Variants in DCP2 observed in about 807,000 individuals in gnomAD.
The protein encoded by DCP2 is decapping mRNA 2, also known as m7GpppN-mRNA hydrolase.
A neutral mutation model predicts 56.1 loss-of-function variants in DCP2; 30 were observed. The ratio of observed to expected loss-of-function variants is 0.53; its 90% confidence interval spans 0.40 to 0.73. DCP2 has a LOEUF of 0.73. Ranked by LOEUF, DCP2 falls within the 30% of genes least tolerant of loss-of-function variation. The pLI is 0.00. For synonymous variants in DCP2, 197 were observed against 163.3 expected, an observed-to-expected ratio of 1.21 and a Z score of -1.57; for missense variants, 533 against 502.7, an observed-to-expected ratio of 1.06 and a Z score of -0.58.
intron 4 of DCP2, among the ~76,000 whole-genome samples, chr5:112,993,969 T>C (rs901785638): frequency 6.6e-6 from 1 of 151,818 alleles, no homozygotes. Context: ...TTTATTTATT[T>C]ATTTATTTAC....
intron 1 of DCP2, 51 bp downstream of exon 1, chr5:112,977,037 G>A (rs1580783685): frequency 6.9e-7 from 1 of 1,442,820 alleles, no homozygotes; most frequent in East Asian, 2.6e-5. Context: ...TCTCAGTTTC[G>A]CGGACCCCCA....
At chr5:112,983,691 G>C (rs1189366897) in intron 1 of DCP2, among the ~76,000 whole-genome samples, 2 of 151,924 alleles carry the variant, frequency 1.3e-5, no homozygotes, top group African/African-American at 2.4e-5. Context: ...GAAGCATCCA[G>C]ACTGGGGAAA....
intron 2 of DCP2, among the ~76,000 whole-genome samples, chr5:112,988,499 A>AAG: frequency 6.7e-6 from 1 of 149,530 alleles, no homozygotes; most frequent in Non-Finnish European, 1.5e-5. Flanking sequence ...CTTAATAAAA[A>AAG]AAAAAAAAAA....
intron 10 of DCP2, among the ~76,000 whole-genome samples, chr5:113,012,384 G>C (rs549673036): frequency 1.3e-5 from 2 of 152,086 alleles, no homozygotes; most frequent in South Asian, 2.1e-4. Context: ...CTATAACTTG[G>C]TATATCGATC....
Position 113,016,840 on chromosome 5 carries a change from CTTTTTTTTT to C in DCP2, c.*3366_*3374del, listed in dbSNP as rs373599829. 1.6e-5 allele frequency: 2 copies of C among 122,392 alleles called. No individual in the cohort carries two copies. Among genetic ancestry groups the C allele is most frequent in the Non-Finnish European group, 3.3e-5 (2 of 60,894 alleles). The allele number at this position is 122,392 out of a possible 1,614,324, so 7.6% of individuals were successfully genotyped here. A position where few individuals can be genotyped will look rare whatever the true frequency, so the allele number is the denominator to read the frequency against. ...TTTTCTTACCACAATACCCTCTTGG[CTTTTTTTTT>C]TTTTTTTTTGAGATGGAGTTTCACT... On this transcript the variant is annotated 3_prime_UTR_variant, in exon 11 of 11. Transcript: ENST00000389063.
At chr5:112,992,003 A>C in intron 2 of DCP2, 118 bp from the exon 3 acceptor site, 1 of 1,432,442 alleles carries the variant, frequency 7.0e-7, no homozygotes, top group Non-Finnish European at 9.5e-7. Context: ...CACTTAAATG[A>C]GGGAAGATTT....
At chr5:113,005,151 G>GGTGTGTGTGTGTGT (rs56389236) in intron 8 of DCP2, among the ~76,000 whole-genome samples, 12,168 of 149,410 alleles carry the variant, frequency 0.081, 620 homozygotes, top group African/African-American at 0.14. Flanking sequence ...TGTGCGTGTG[G>GGTGTGTGTGTGTGT]GTGTGTGTGT....
intron 7 of DCP2, 23 bp from the exon 8 acceptor site, chr5:113,003,919 T>C: frequency 6.2e-7 from 1 of 1,613,490 alleles, no homozygotes; most frequent in Non-Finnish European, 8.5e-7. Context: ...TCTGATTTGA[T>C]TATTTTTTAA....
At chr5:112,988,251 G>A (rs1050085026) in intron 2 of DCP2, among the ~76,000 whole-genome samples, 3 of 151,626 alleles carry the variant, frequency 2.0e-5, no homozygotes, top group African/African-American at 7.3e-5. Context: ...GGGAGGCCAA[G>A]GGGGGCGGAT....
chr5:113,013,537 G>T lies in DCP2; in HGVS notation c.*53G>T. 6.3e-7 allele frequency: 1 copy of T among 1,597,166 alleles called. No individual in the cohort carries two copies. On this transcript the variant is annotated 3_prime_UTR_variant, in exon 11 of 11. Transcript: ENST00000389063. ...AGGATCAGAGACCTGTTGAATTTGA[G>T]TGGGTGTCTCCTCAAGCCTTACCTT... is the stretch of plus-strand genomic sequence containing the variant.
intron 4 of DCP2, among the ~76,000 whole-genome samples, chr5:112,993,858 A>ATG (rs903690040): frequency 6.6e-6 from 1 of 151,998 alleles, no homozygotes; most frequent in African/African-American, 2.4e-5. Flanking sequence ...ATGTGTATCT[A>ATG]TGTGTGTGTG....
chr5:113,021,745 ATCTTTC>A lies in DCP2; in HGVS notation c.*8265_*8270del, dbSNP rs1750150336. On this transcript the variant is annotated 3_prime_UTR_variant, in exon 11 of 11. Transcript: ENST00000389063. ...ATAGTGAAAACTTGAGAACATTGTAATCTTTCTCTAACAGATGTGTTGCAAAGCTGC... is the reference window on the plus strand; with the variant it reads ...ATAGTGAAAACTTGAGAACATTGTAATCTAACAGATGTGTTGCAAAGCTGC... 6.6e-6 allele frequency among the ~76,000 whole-genome samples: 1 copy of A among 152,146 alleles called. No homozygotes were observed. The highest frequency in any genetic ancestry group is 2.1e-4 in the South Asian group (1 of 4,830).
intron 9 of DCP2, among the ~76,000 whole-genome samples, 197 bp from the exon 10 acceptor site, chr5:113,010,559 A>G (rs1749638693): frequency 6.6e-6 from 1 of 152,150 alleles, no homozygotes; most frequent in Non-Finnish European, 1.5e-5. Context: ...GTAATCAAGA[A>G]CTAAAAAAAA....
rs1750154386 is a variant in DCP2, at chr5:113,021,793, C to G, written c.*8309C>G. 6.6e-6 allele frequency among the ~76,000 whole-genome samples: 1 copy of G among 152,174 alleles called. No homozygotes were observed. The highest frequency in any genetic ancestry group is 2.1e-4 in the South Asian group (1 of 4,834). On this transcript the variant is annotated 3_prime_UTR_variant, in exon 11 of 11. Transcript: ENST00000389063. Reference sequence around the variant, plus strand: ...CAAAGCTGCTTGCCATCTTGTTGTCCTATATGACTTCCTTGCATTTCCAGT... The same window carrying G: ...CAAAGCTGCTTGCCATCTTGTTGTCGTATATGACTTCCTTGCATTTCCAGT...
intron 1 of DCP2, among the ~76,000 whole-genome samples, chr5:112,980,734 A>G (rs942478565): frequency 5.3e-5 from 8 of 152,212 alleles, no homozygotes; most frequent in African/African-American, 1.4e-4. Context: ...AGACAGATTT[A>G]TAAATGACAG....
chr5:113,004,061 A>T lies in DCP2; in HGVS notation c.926A>T (p.Asp309Val). 6.2e-7 allele frequency: 1 copy of T among 1,613,794 alleles called. No homozygotes were observed. Among genetic ancestry groups the T allele is most frequent in the Non-Finnish European group, 8.5e-7 (1 of 1,179,906 alleles). Residue 309 changes from aspartate to valine, a missense_variant, in exon 8 of 11, where the codon GAC becomes GTC. This residue lies in a region of DCP2 where 392 missense variants were observed against 346.6 expected (regional missense o/e 1.13). Coordinates refer to ENST00000389063, the MANE Select transcript of DCP2 (RefSeq NM_152624.6). Reference sequence around the variant, plus strand: ...TATAATAATCATTCTGAAATGTCTGACCTTTTAAAAGGAAAGGTGAGTGAT... The same window carrying T: ...TATAATAATCATTCTGAAATGTCTGTCCTTTTAAAAGGAAAGGTGAGTGAT... The part of the protein sequence containing the change: ...KPYNNHSEMS[D>V]LLKGKNQSMR...
chr5:112,976,940 A>G lies in DCP2; in HGVS notation c.7A>G (p.Thr3Ala). 1 of 1,608,508 alleles carries G rather than the reference A, an allele frequency of 6.2e-7. No individual in the cohort carries two copies. Among genetic ancestry groups the G allele is most frequent in the Non-Finnish European group, 8.5e-7 (1 of 1,175,740 alleles). Residue 3 changes from threonine (T) to alanine (A), a missense_variant, in exon 1 of 11, where the codon ACC becomes GCC. Coordinates refer to ENST00000389063, the MANE Select transcript of DCP2 (RefSeq NM_152624.6). ...CCTGCTGTGGGTCCTCATCATGGAG[A>G]CCAAACGGGTGGAGATTCCCGGCAG... Reference protein sequence around the residue: METKRVEIPGSVL... With the variant: MEAKRVEIPGSVL...
intron 1 of DCP2, among the ~76,000 whole-genome samples, chr5:112,983,655 A>G (rs943761526): frequency 1.3e-5 from 2 of 152,168 alleles, no homozygotes; most frequent in African/African-American, 4.8e-5. Flanking sequence ...AAATTTCACA[A>G]CACTGGGGAT....
At chr5:113,007,378 TTC>T (rs1749487955) in intron 8 of DCP2, among the ~76,000 whole-genome samples, 1 of 11,792 alleles carries the variant, frequency 8.5e-5, no homozygotes, top group African/African-American at 3.1e-4. Context: ...GTGGAAAGAT[TTC>T]TTTCTTTCTT....
Sources: gnomAD v4.1 joint callset for allele counts (sites outside exome capture counted in the v4.1 genomes callset) on GRCh38, gnomAD v4.1.1 for gene constraint, gnomAD v4.1.1 regional missense constraint, MANE v1.5 for transcripts, NCBI Gene and HGNC (gene_info 2026-07-23, HGNC 2026-07-21) for gene names.